The following BIN3 variants were observed in gnomAD, a reference collection of about 807,000 sequenced individuals.
BIN3 encodes the protein bridging integrator 3.
BIN3 carries 41 observed loss-of-function variants against 38.2 expected under a neutral mutation model. The ratio of observed to expected loss-of-function variants is 1.07; its 90% confidence interval spans 0.84 to 1.39. The LOEUF is 1.39. BIN3 is among the 40% of genes most tolerant of loss of function. BIN3 has a pLI of 0.00. For synonymous variants in BIN3, 145 were observed against 122.6 expected, an observed-to-expected ratio of 1.18 and a Z score of -1.21; for missense variants, 361 against 324.3, an observed-to-expected ratio of 1.11 and a Z score of -0.87.
chr8:22,629,355 C>A (rs945959696), intron 6 of BIN3, among the ~76,000 whole-genome samples: 1 of 152,212 alleles, frequency 6.6e-6, no homozygotes, highest in Non-Finnish European at 1.5e-5. Flanking sequence ...AGGCACGGCT[C>A]TGCCTGTTCC....
intron 1 of BIN3, among the ~76,000 whole-genome samples, chr8:22,667,349 G>A (rs189888308): frequency 2.7e-4 from 41 of 152,244 alleles, no homozygotes; most frequent in Non-Finnish European, 1.3e-4. Flanking sequence ...AACCTGCTTC[G>A]GATCACCCAG....
intron 1 of BIN3, among the ~76,000 whole-genome samples, chr8:22,666,239 T>A (rs1361781303): frequency 6.6e-6 from 1 of 151,554 alleles, no homozygotes; most frequent in African/African-American, 2.4e-5. Flanking sequence ...TTCTACTTAA[T>A]CCTCTCTCCA....
At chr8:22,652,536 G>C (rs1802936652) in intron 1 of BIN3, among the ~76,000 whole-genome samples, 1 of 152,196 alleles carries the variant, frequency 6.6e-6, no homozygotes, top group African/African-American at 2.4e-5. Context: ...GGAGGGGAAG[G>C]GGTGTGCCTT....
chr8:22,628,155 C>A (rs929511223), intron 6 of BIN3, among the ~76,000 whole-genome samples: 1 of 152,174 alleles, frequency 6.6e-6, no homozygotes, highest in African/African-American at 2.4e-5. Context: ...TCTGTGCCCA[C>A]GCAGCCGGGA....
chr8:22,623,698 T>C (rs1563940972), intron 8 of BIN3, among the ~76,000 whole-genome samples: 1 of 152,176 alleles, frequency 6.6e-6, no homozygotes, highest in Non-Finnish European at 1.5e-5. Flanking sequence ...TGGTATGGGA[T>C]TTACCAGAGA....
intron 2 of BIN3, among the ~76,000 whole-genome samples, chr8:22,639,844 T>C (rs542733475): frequency 9.3e-5 from 14 of 150,000 alleles, no homozygotes; most frequent in Non-Finnish European, 2.1e-4. Flanking sequence ...ATGCCCTAGC[T>C]CCCTTTACTA....
chr8:22,631,198 C>T (rs1173888122), intron 4 of BIN3, among the ~76,000 whole-genome samples: 3 of 152,154 alleles, frequency 2.0e-5, no homozygotes, highest in Admixed American at 6.5e-5. Flanking sequence ...CTGCACCCTG[C>T]CAACCCCTGG....
intron 5 of BIN3, 132 bp from the exon 6 acceptor site, chr8:22,630,136 C>CT (rs1286120145): frequency 6.7e-5 from 75 of 1,116,066 alleles, no homozygotes; most frequent in Non-Finnish European, 9.7e-5. Context: ...CTGGGCCTGG[C>CT]TTTGCTCAGG....
intron 2 of BIN3, among the ~76,000 whole-genome samples, chr8:22,637,728 TG>T (rs1802418665): frequency 6.6e-6 from 1 of 152,150 alleles, no homozygotes; most frequent in African/African-American, 2.4e-5. Context: ...GGGCATGCAA[TG>T]GGAAGTAAAT....
chr8:22,668,513 G>A (rs1207937218), intron 1 of BIN3, among the ~76,000 whole-genome samples: 1 of 152,230 alleles, frequency 6.6e-6, no homozygotes, highest in Non-Finnish European at 1.5e-5. Flanking sequence ...AAGGGTGTGT[G>A]CGGAGTGTAA....
At chr8:22,647,157 C>T (rs936358912) in intron 1 of BIN3, among the ~76,000 whole-genome samples, 2 of 152,202 alleles carry the variant, frequency 1.3e-5, no homozygotes, top group Non-Finnish European at 2.9e-5. Context: ...TGAATCTCCA[C>T]TCCAAGAATA....
chr8:22,636,606 C>T lies in BIN3; in HGVS notation c.99-20G>A. The T allele has an allele frequency of 1.3e-6, 2 of 1,550,892 alleles. No homozygotes were observed. The highest frequency in any genetic ancestry group is 8.7e-7 in the Non-Finnish European group (1 of 1,146,900). On this transcript the variant is annotated intron_variant, in intron 3 of 8. Coordinates refer to ENST00000276416, the MANE Select transcript of BIN3 (RefSeq NM_018688.6). ...TCCAGCCTGCAAGGCAGGGGACGGG[C>T]TGCTTGGGGTCCCCTTCCTTCCCCC...
intron 1 of BIN3, among the ~76,000 whole-genome samples, chr8:22,656,962 G>A (rs1356217013): frequency 6.6e-6 from 1 of 152,186 alleles, no homozygotes; most frequent in African/African-American, 2.4e-5. Context: ...AGCACCTCAA[G>A]GGCAAGGACT....
At chr8:22,638,475 G>A (rs543266650) in intron 2 of BIN3, among the ~76,000 whole-genome samples, 104 of 152,306 alleles carry the variant, frequency 6.8e-4, no homozygotes, top group African/African-American at 2.3e-3. Context: ...TATTAAGTGC[G>A]ATGCATTCTG....
intron 1 of BIN3, among the ~76,000 whole-genome samples, chr8:22,653,999 G>A (rs1255447080): frequency 6.6e-6 from 1 of 152,164 alleles, no homozygotes; most frequent in African/African-American, 2.4e-5. Flanking sequence ...ACTATTCATA[G>A]TTTTCAACCA....
intron 1 of BIN3, among the ~76,000 whole-genome samples, chr8:22,654,174 A>T (rs1802987130): frequency 6.6e-6 from 1 of 152,082 alleles, no homozygotes; most frequent in Non-Finnish European, 1.5e-5. Context: ...ACCTCATGTA[A>T]CTGCACCCTA....
chr8:22,629,910 G>A (rs1802130055), intron 6 of BIN3, 54 bp downstream of exon 6: 12 of 1,517,704 alleles, frequency 7.9e-6, no homozygotes, highest in South Asian at 5.9e-5. Context: ...CCAAGTGGCT[G>A]CTGACCTGCC....
At chr8:22,640,124 A>C (rs1270544424) in intron 2 of BIN3, among the ~76,000 whole-genome samples, 1 of 151,844 alleles carries the variant, frequency 6.6e-6, no homozygotes, top group Non-Finnish European at 1.5e-5. Context: ...CGGCCTCCCA[A>C]AGTGTTGGGA....
intron 2 of BIN3, among the ~76,000 whole-genome samples, chr8:22,639,192 T>C (rs575144816): frequency 6.6e-6 from 1 of 152,228 alleles, no homozygotes; most frequent in East Asian, 1.9e-4. Context: ...AGGTAAGATA[T>C]GAACTCTGAT....
Sources: gnomAD v4.1 joint callset for allele counts (sites outside exome capture counted in the v4.1 genomes callset) on GRCh38, gnomAD v4.1.1 for gene constraint, MANE v1.5 for transcripts, NCBI Gene and HGNC (gene_info 2026-07-23, HGNC 2026-07-21) for gene names.